Variants in TRIML1 observed in about 807,000 individuals in gnomAD.
TRIML1 encodes probable E3 ubiquitin-protein ligase TRIML1.
In TRIML1, 34 loss-of-function variants were observed where a neutral mutation model predicts 32.3. The observed-to-expected ratio is 1.05, with a 90% CI of 0.80 to 1.40. The LOEUF is 1.40. Among genes scored for constraint, TRIML1 ranks in the 40% most tolerant of loss-of-function variants. The probability of loss-of-function intolerance (pLI) is 0.00; values close to 1 mark genes in which losing one functional copy is unlikely to be tolerated. For missense variants in TRIML1, 595 were observed against 574.9 expected (o/e 1.03, Z -0.36); for synonymous variants, 244 against 226.6 (o/e 1.08, Z -0.69).
At position 188,143,838 on chromosome 4, in the gene TRIML1, G is replaced by T. The variant is rs1402846535; in HGVS notation, c.736G>T (p.Glu246Ter). The T allele has an allele frequency of 6.2e-7, 1 of 1,614,140 alleles. No homozygotes were observed. The highest frequency in any genetic ancestry group is 2.2e-5 in the East Asian group (1 of 44,876). ...TAACTTCTTTCTTTTTTACCCGTAG[G>T]AAGTGAGAGGAGCCCTGGAAAGGTA... is the stretch of plus-strand genomic sequence containing the variant. ...SQSSAFESLE[E>*]VRGALERSEP... Residue 246 changes from glutamate to a stop codon, truncating the protein, a stop_gained and splice_region_variant, in exon 4 of 6, where the codon GAA becomes TAA. Transcript: ENST00000332517. LOFTEE classifies it high-confidence loss of function.
At chr4:188,146,293 C>T (rs775201384) in intron 5 of TRIML1, among the ~76,000 whole-genome samples, 5 of 152,208 alleles carry the variant, frequency 3.3e-5, no homozygotes, top group Non-Finnish European at 5.9e-5. Flanking sequence ...TTCTCCTCCC[C>T]ACCTCAGGCA....
At chr4:188,140,362 T>C (rs1734806424) in intron 1 of TRIML1, among the ~76,000 whole-genome samples, 166 bp from the exon 2 acceptor site, 1 of 152,126 alleles carries the variant, frequency 6.6e-6, no homozygotes, top group Non-Finnish European at 1.5e-5. Context: ...CCTCAGGTGA[T>C]CCGCCTGCCT....
chr4:188,144,212 A>G, intron 5 of TRIML1, 79 bp downstream of exon 5: 3 of 1,232,260 alleles, frequency 2.4e-6, no homozygotes, highest in Non-Finnish European at 3.4e-6. Flanking sequence ...TCAGACATTC[A>G]CGATCTGACA....
chr4:188,139,890 G>A lies in TRIML1; in HGVS notation c.332G>A (p.Gly111Asp), dbSNP rs1734786195. The change falls in exon 1 of 6, where the codon GGT becomes GAT. Residue 111 changes from glycine (G) to aspartate (D), a missense_variant. By Grantham distance (94) the Gly-to-Asp change is moderately conservative (BLOSUM62 -1). Transcript: ENST00000332517. ...TAKALSDDEQ[G>D]GSAFVAQSHG... Reference sequence around the variant, plus strand: ...AAGGCGCTCTCCGATGACGAGCAGGGTGGAAGCGCCTTCGTAGCCCAGAGC... The same window carrying A: ...AAGGCGCTCTCCGATGACGAGCAGGATGGAAGCGCCTTCGTAGCCCAGAGC... The A allele has an allele frequency of 6.2e-7, 1 of 1,613,920 alleles. No individual in the cohort carries two copies.
Position 188,143,823 on chromosome 4 carries a change from C to A in TRIML1, c.736-15C>A. ...CAAAGCGCACCATGCTAACTTCTTT[C>A]TTTTTTACCCGTAGGAAGTGAGAGG... On this transcript the variant is annotated splice_polypyrimidine_tract_variant and intron_variant, in intron 3 of 5. Coordinates refer to ENST00000332517, the MANE Select transcript of TRIML1 (RefSeq NM_178556.5). 2 of 1,614,026 alleles carry A rather than the reference C, an allele frequency of 1.2e-6. No individual in the cohort carries two copies. Among genetic ancestry groups the A allele is most frequent in the South Asian group, 1.1e-5 (1 of 91,072 alleles).
rs1356521723 is a variant in TRIML1 at position 188,142,456 on chromosome 4, C to G, written c.709C>G (p.Gln237Glu). 6.2e-7 allele frequency: 1 copy of G among 1,613,562 alleles called. No individual in the cohort carries two copies. Among genetic ancestry groups the G allele is most frequent in the Non-Finnish European group, 8.5e-7 (1 of 1,179,950 alleles). ...GATCGCACAGATTGAGTCCTCAAGT[C>G]AAAGCTCGGCTTTCGAATCTCTTGA... The part of the protein sequence containing the change: ...KMIAQIESSS[Q>E]SSAFESLEEV... Residue 237 changes from glutamine to glutamate, a missense_variant, in exon 3 of 6, where the codon CAA becomes GAA. Gln to Glu is a conservative substitution (Grantham distance 29). Transcript: ENST00000332517.
Position 188,139,957 on chromosome 4 carries a change from G to T in TRIML1, c.399G>T (p.Glu133Asp). ...TGCATCTCTCCAGCGAGGCTGAGGA[G>T]CATCACAGAGTAAGACAGCTGCTCA... ...NRVHLSSEAE[E>D]HHREKLQEIL... The change falls in exon 1 of 6, where the codon GAG (glutamate) becomes GAT (aspartate). Residue 133 changes from glutamate to aspartate, a missense_variant. By Grantham distance (45) the Glu-to-Asp change is conservative. Transcript: ENST00000332517. 1 of 1,605,450 alleles carries T rather than the reference G, an allele frequency of 6.2e-7. No individual in the cohort carries two copies. The highest frequency in any genetic ancestry group is 8.5e-7 in the Non-Finnish European group (1 of 1,174,784).
downstream of TRIML1, among the ~76,000 whole-genome samples, chr4:188,149,497 G>T (rs533022332): frequency 6.0e-5 from 5 of 82,866 alleles, no homozygotes; most frequent in African/African-American, 1.8e-4. Context: ...AAAGAGGTCT[G>T]TGAAATAAAG....
At chr4:188,145,264 T>C (rs9799829) in intron 5 of TRIML1, among the ~76,000 whole-genome samples, 104,104 of 149,934 alleles carry the variant, frequency 0.69, 37,008 homozygotes, top group Admixed American at 0.8. Flanking sequence ...ATGGTGAAAC[T>C]GCGTCTCTGC....
At chr4:188,142,224 G>C (rs1734886690) in intron 2 of TRIML1, 28 bp from the exon 3 acceptor site, 1 of 1,298,118 alleles carries the variant, frequency 7.7e-7, no homozygotes. Context: ...GTGTGTGTGT[G>C]TGTGTGTGTG....
At position 188,140,637 on chromosome 4, in the gene TRIML1, T is replaced by A; in HGVS notation, c.504+14T>A. 1.3e-6 allele frequency: 2 copies of A among 1,589,810 alleles called. No homozygotes were observed. Among genetic ancestry groups the A allele is most frequent in the Non-Finnish European group, 1.7e-6 (2 of 1,157,952 alleles). Reference sequence around the variant, plus strand: ...AAACTGTGCCAGGTCGGTGTCTGTCTGACTTTTGCTGCTTGTATATGACCC... The same window carrying A: ...AAACTGTGCCAGGTCGGTGTCTGTCAGACTTTTGCTGCTTGTATATGACCC... On this transcript the variant is annotated intron_variant, in intron 2 of 5. Coordinates refer to ENST00000332517, the MANE Select transcript of TRIML1 (RefSeq NM_178556.5).
At chr4:188,148,901 C>CTTT (rs34415263), downstream of TRIML1, among the ~76,000 whole-genome samples, 797 of 63,776 alleles carry the variant, frequency 0.012, 142 homozygotes, top group East Asian at 0.028. Context: ...CGTGCCCAGG[C>CTTT]TTTTTTTTTT....
intron 2 of TRIML1, 30 bp downstream of exon 2, chr4:188,140,653 T>G: frequency 6.6e-7 from 1 of 1,515,920 alleles, no homozygotes; most frequent in Admixed American, 1.7e-5. Context: ...TTGCTGCTTG[T>G]ATATGACCCC....
downstream of TRIML1, among the ~76,000 whole-genome samples, chr4:188,148,444 A>G (rs1735163929): frequency 6.7e-6 from 1 of 149,402 alleles, no homozygotes; most frequent in Admixed American, 6.7e-5. Context: ...CAGTGAGCGG[A>G]GATCATTCCA....
In TRIML1 at chr4:188,147,398, G is replaced by A. The variant is rs778615140; in HGVS notation, c.*26G>A. On this transcript the variant is annotated 3_prime_UTR_variant, in exon 6 of 6. Transcript: ENST00000332517. ...GGGGCGTGCCCTGAGCCGTCACAGC[G>A]GGCGATGTCTGAGACCAAGACACAA... 35 of 1,455,302 alleles carry A rather than the reference G, an allele frequency of 2.4e-5. No individual in the cohort carries two copies. In the Admixed American group the frequency reaches 2.7e-4, roughly 11 times the overall value. 90.1% of individuals were successfully genotyped at this position (1,455,302 alleles called of 1,614,324 possible).
chr4:188,144,654 G>A (rs141441475), intron 5 of TRIML1, among the ~76,000 whole-genome samples: 79 of 152,062 alleles, frequency 5.2e-4, no homozygotes, highest in African/African-American at 1.8e-3. Flanking sequence ...GAGCCACTGC[G>A]CCCAGCCAAT....
At chr4:188,144,475 G>T (rs973871674) in intron 5 of TRIML1, among the ~76,000 whole-genome samples, 27 of 144,786 alleles carry the variant, frequency 1.9e-4, no homozygotes, top group Admixed American at 9.1e-4. Context: ...CCATTCTCCT[G>T]CCTCAGCCTC....
chr4:188,139,711 A>G lies in TRIML1; in HGVS notation c.153A>G (p.Leu51=). 1 of 1,613,920 alleles carries G rather than the reference A, an allele frequency of 6.2e-7. No homozygotes were observed. The highest frequency in any genetic ancestry group is 2.2e-5 in the East Asian group (1 of 44,848). The part of the protein sequence containing the change: ...LRSWEEHNTP[L]SCPECWRTLE... ...GCTGGGAGGAACATAACACACCTTT[A>G]TCTTGTCCTGAGTGCTGGAGGACCT... Residue 51 remains leucine, a synonymous_variant, in exon 1 of 6, where the codon TTA becomes TTG. Transcript: ENST00000332517.
At chr4:188,150,395 C>T (rs193179519), downstream of TRIML1, among the ~76,000 whole-genome samples, 2,882 of 151,102 alleles carry the variant, frequency 0.019, 38 homozygotes, top group Middle Eastern at 0.032. Flanking sequence ...TCCCAAAGTG[C>T]TGGGATTACA....
Sources: allele counts gnomAD v4.1 joint callset (sites outside exome capture counted in the v4.1 genomes callset), GRCh38; gene constraint gnomAD v4.1.1; transcripts MANE v1.5; gene names NCBI Gene and HGNC (gene_info 2026-07-23, HGNC 2026-07-21).